TMPRSS15: variants seen among roughly 807,000 people sequenced by gnomAD.
TMPRSS15 encodes the protein transmembrane serine protease 15.
A neutral mutation model predicts 125.3 loss-of-function variants in TMPRSS15; 128 were observed. That is an observed-to-expected ratio of 1.02 (90% CI 0.89 to 1.18). The LOEUF is 1.18. TMPRSS15 is among the 50% of genes most tolerant of loss of function. The pLI is 0.00. For synonymous variants in TMPRSS15, 446 were observed against 423.2 expected (o/e 1.05, Z -0.66); for missense variants, 1,283 against 1,212.7 (o/e 1.06, Z -0.86).
At chr21:18,399,953 A>G (rs1646154841) in intron 1 of TMPRSS15, among the ~76,000 whole-genome samples, 1 of 152,154 alleles carries the variant, frequency 6.6e-6, no homozygotes, top group African/African-American at 2.4e-5. Context: ...GCTGAGAGCC[A>G]AATCAAGAAT....
intron 1 of TMPRSS15, among the ~76,000 whole-genome samples, chr21:18,441,499 C>T (rs1337866093): frequency 4.7e-5 from 7 of 148,860 alleles, no homozygotes; most frequent in Admixed American, 1.3e-4. Flanking sequence ...CCCAGCTACT[C>T]GGGAGGCTGA....
chr21:18,410,106 C>G (rs372817482), intron 1 of TMPRSS15, among the ~76,000 whole-genome samples: 1 of 136,962 alleles, frequency 7.3e-6, no homozygotes, highest in South Asian at 2.3e-4. Context: ...AGAAATTAAC[C>G]TGGATATGCA....
At chr21:18,278,717 G>A (rs370374372) in intron 23 of TMPRSS15, among the ~76,000 whole-genome samples, 1 of 152,174 alleles carries the variant, frequency 6.6e-6, no homozygotes, top group Admixed American at 6.6e-5. Context: ...GCGAGACTCC[G>A]TCTCAAAAAC....
chr21:18,482,241 A>C (rs1197632144), intron 1 of TMPRSS15, among the ~76,000 whole-genome samples: 1 of 151,626 alleles, frequency 6.6e-6, no homozygotes, highest in South Asian at 2.1e-4. Flanking sequence ...ATTTTGATGA[A>C]ATTCCTGAGA....
At position 18,372,313 on chromosome 21, in the gene TMPRSS15, T is replaced by C. The variant is rs1387446716; in HGVS notation, c.544A>G (p.Ile182Val). 18 of 1,612,848 alleles carry C rather than the reference T, an allele frequency of 1.1e-5. No homozygotes were observed. Among genetic ancestry groups the C allele is most frequent in the Admixed American group, 1.7e-5 (1 of 59,970 alleles). The change falls in exon 6 of 25, where the codon ATA (isoleucine) becomes GTA (valine). Residue 182 changes from isoleucine (I) to valine (V), a missense_variant. Ile to Val is a conservative substitution (Grantham distance 29). Coordinates refer to ENST00000284885, the MANE Select transcript of TMPRSS15 (RefSeq NM_002772.3). Reference sequence around the variant, plus strand: ...GGACTTGAACCAGGCAGGCACTCTATTGAGACATTTCCTTTAAAAAATAAC... The same window carrying C: ...GGACTTGAACCAGGCAGGCACTCTACTGAGACATTTCCTTTAAAAAATAAC... ...SHLATPGNVS[I>V]ECLPGSSPCT...
At position 18,324,018 on chromosome 21, in the gene TMPRSS15, T is replaced by G. The variant is rs183737476; in HGVS notation, c.1921+2414A>C. ...ATTTTACTTTTTCTGCTAAGAATTT[T>G]CAGAAAAATTTCCCTCTTGAAATTT... is the stretch of plus-strand genomic sequence containing the variant. On this transcript the variant is annotated intron_variant, in intron 16 of 24. Coordinates refer to ENST00000284885, the MANE Select transcript of TMPRSS15 (RefSeq NM_002772.3). Among the ~76,000 whole-genome samples the G allele has an allele frequency of 2.1e-4, 32 of 152,306 alleles. No individual in the cohort carries two copies. In the East Asian group the frequency reaches 5.4e-3, roughly 26 times the overall value.
chr21:18,461,801 G>A (rs1249578964), intron 1 of TMPRSS15, among the ~76,000 whole-genome samples: 1 of 151,956 alleles, frequency 6.6e-6, no homozygotes, highest in African/African-American at 2.4e-5. Flanking sequence ...CCTTTTAAAA[G>A]TTATCAACGA....
At chr21:18,473,204 C>T (rs916798384) in intron 1 of TMPRSS15, among the ~76,000 whole-genome samples, 2 of 152,014 alleles carry the variant, frequency 1.3e-5, no homozygotes, top group African/African-American at 4.8e-5. Flanking sequence ...TTCTCCTTGC[C>T]TTTTAATAAG....
chr21:18,442,178 C>T lies in TMPRSS15; in HGVS notation c.10+43621G>A, dbSNP rs1473288077. ...CAATGAATTGTTTTTTCTTAGTTAC[C>T]TTGAGTCTTATTTTGATTAATTTTA... On this transcript the variant is annotated intron_variant, in intron 1 of 7. Transcript: ENST00000422787. 2.0e-5 allele frequency among the ~76,000 whole-genome samples: 3 copies of T among 151,916 alleles called. No individual in the cohort carries two copies. The East Asian group carries it at 5.8e-4, about 29-fold the overall frequency.
intron 10 of TMPRSS15, among the ~76,000 whole-genome samples, chr21:18,345,693 G>A (rs552902857): frequency 2.8e-4 from 30 of 108,882 alleles, no homozygotes; most frequent in Non-Finnish European, 3.7e-4. Flanking sequence ...GTGAGCCGAG[G>A]TCGTGCCACT....
At chr21:18,437,977 T>A (rs1041432710) in intron 1 of TMPRSS15, among the ~76,000 whole-genome samples, 18 of 151,656 alleles carry the variant, frequency 1.2e-4, no homozygotes, top group Non-Finnish European at 1.9e-4. Context: ...CATTACTGTG[T>A]ATATACCCAA....
intron 1 of TMPRSS15, among the ~76,000 whole-genome samples, chr21:18,450,769 G>A (rs192706223): frequency 5.9e-5 from 9 of 152,222 alleles, no homozygotes; most frequent in Admixed American, 3.9e-4. Flanking sequence ...ATTGCCATGC[G>A]TATCTATAAA....
chr21:18,441,975 GCCA>G (rs1431677213), intron 1 of TMPRSS15, among the ~76,000 whole-genome samples: 1 of 152,108 alleles, frequency 6.6e-6, no homozygotes, highest in Non-Finnish European at 1.5e-5. Flanking sequence ...ACAGGCGTGA[GCCA>G]CCACACCCGG....
At chr21:18,385,641 G>A (rs2075937024) in intron 3 of TMPRSS15, among the ~76,000 whole-genome samples, 1 of 152,162 alleles carries the variant, frequency 6.6e-6, no homozygotes, top group African/African-American at 2.4e-5. Context: ...CAAAGATAGC[G>A]TAGCAGAAGA....
At chr21:18,283,679 C>T (rs1057006187) in intron 21 of TMPRSS15, among the ~76,000 whole-genome samples, 2 of 152,014 alleles carry the variant, frequency 1.3e-5, no homozygotes, top group African/African-American at 4.8e-5. Context: ...ATTGTCTCCT[C>T]AGGTGTTTTA....
At chr21:18,384,498 T>C (rs2075924303) in intron 3 of TMPRSS15, among the ~76,000 whole-genome samples, 1 of 152,154 alleles carries the variant, frequency 6.6e-6, no homozygotes, top group Admixed American at 6.5e-5. Flanking sequence ...TCCCCTGCTC[T>C]GTACCATGCA....
At chr21:18,305,182 A>ATTT (rs2075018505) in intron 18 of TMPRSS15, among the ~76,000 whole-genome samples, 5 of 39,852 alleles carry the variant, frequency 1.3e-4, no homozygotes, top group African/African-American at 1.9e-4. Flanking sequence ...GAATTTCCGT[A>ATTT]CTTTTTTTTT....
chr21:18,293,325 C>T (rs1018405061), intron 21 of TMPRSS15, among the ~76,000 whole-genome samples: 8 of 152,234 alleles, frequency 5.3e-5, no homozygotes, highest in African/African-American at 7.2e-5. Flanking sequence ...GTTCTTTCCT[C>T]GTCAATGCCT....
At chr21:18,334,995 G>A (rs772578210) in intron 13 of TMPRSS15, among the ~76,000 whole-genome samples, 4 of 152,146 alleles carry the variant, frequency 2.6e-5, no homozygotes, top group Non-Finnish European at 4.4e-5. Context: ...ACCAAAGAAG[G>A]AACAACAATG....
Sources: allele counts gnomAD v4.1 joint callset (sites outside exome capture counted in the v4.1 genomes callset), GRCh38; gene constraint gnomAD v4.1.1; transcripts MANE v1.5; gene names NCBI Gene and HGNC (gene_info 2026-07-23, HGNC 2026-07-21).